ATG14: variants seen among roughly 807,000 people sequenced by gnomAD.
The protein encoded by ATG14 is beclin 1-associated autophagy-related key regulator.
ATG14 carries 35 observed loss-of-function variants against 60.4 expected under a neutral mutation model. The observed-to-expected ratio is 0.58, with a 90% CI of 0.44 to 0.77. The LOEUF is 0.77. ATG14 is among the 30% of genes least tolerant of loss of function. ATG14 has a pLI of 0.00. For synonymous variants in ATG14, 234 were observed against 228.8 expected (o/e 1.02, Z -0.21); for missense variants, 647 against 626.3 (o/e 1.03, Z -0.35).
intron 9 of ATG14, among the ~76,000 whole-genome samples, chr14:55,373,214 C>T (rs941114465): frequency 6.6e-6 from 1 of 152,154 alleles, no homozygotes; most frequent in African/African-American, 2.4e-5. Context: ...TAATGGATAT[C>T]TTTTTATTCA....
At chr14:55,398,833 C>T (rs1258948735) in intron 1 of ATG14, among the ~76,000 whole-genome samples, 1 of 151,240 alleles carries the variant, frequency 6.6e-6, no homozygotes, top group Non-Finnish European at 1.5e-5. Context: ...ATGTGGCTTG[C>T]TGCTTAATAA....
At chr14:55,397,682 G>A (rs568727208) in intron 1 of ATG14, among the ~76,000 whole-genome samples, 11 of 152,146 alleles carry the variant, frequency 7.2e-5, no homozygotes, top group South Asian at 4.2e-4. Context: ...GATATCTTCC[G>A]CCCAGATTAA....
chr14:55,369,650 G>A lies in ATG14; in HGVS notation c.1448C>T (p.Ser483Phe). The A allele has an allele frequency of 2.6e-6, 4 of 1,543,404 alleles. No individual in the cohort carries two copies. Among genetic ancestry groups the A allele is most frequent in the Non-Finnish European group, 3.5e-6 (4 of 1,142,956 alleles). Residue 483 changes from serine to phenylalanine, a missense_variant, in exon 10 of 10, where the codon TCC becomes TTC. Transcript: ENST00000247178. ...GTGTCCAGTGTAAGCTTTAAACCAG[G>A]AGGTCACCGAGGCTGCTGCAGAGGA... ...MISSAAASVT[S>F]WFKAYTGHR
chr14:55,382,205 G>A lies in ATG14; in HGVS notation c.648-14C>T, dbSNP rs777361683. ...TCTGCGGGGTCTCTACAAGTAGGAA[G>A]ACACACACGGATTTTCAAGAGAGAG... is the stretch of plus-strand genomic sequence containing the variant. On this transcript the variant is annotated splice_polypyrimidine_tract_variant and intron_variant, in intron 5 of 9. Coordinates refer to ENST00000247178, the MANE Select transcript of ATG14 (RefSeq NM_014924.5). The A allele has an allele frequency of 3.1e-6, 5 of 1,611,918 alleles. No homozygotes were observed. Among genetic ancestry groups the A allele is most frequent in the Non-Finnish European group, 3.4e-6 (4 of 1,178,012 alleles).
chr14:55,381,512 GATGA>G (rs750458523), intron 6 of ATG14, among the ~76,000 whole-genome samples: 7 of 152,136 alleles, frequency 4.6e-5, no homozygotes, highest in South Asian at 2.1e-4. Flanking sequence ...TCCATCAAGT[GATGA>G]ATGAATAAAT....
rs558455480 is a variant in ATG14 at position 55,403,329 on chromosome 14, C to T, written c.222-5895G>A. Among the ~76,000 whole-genome samples the T allele has an allele frequency of 2.6e-5, 4 of 152,190 alleles. No homozygotes were observed. In the South Asian group the frequency reaches 8.3e-4, roughly 32 times the overall value. On this transcript the variant is annotated intron_variant, in intron 1 of 9. Transcript: ENST00000247178. ...CATGCATTAAACTCAACTATAGAAT[C>T]AGACCACAAAAAGAGACTGAGGGAT... is the stretch of plus-strand genomic sequence containing the variant.
chr14:55,395,516 C>T (rs1240055349), intron 3 of ATG14, among the ~76,000 whole-genome samples: 1 of 152,202 alleles, frequency 6.6e-6, no homozygotes, highest in Non-Finnish European at 1.5e-5. Flanking sequence ...TTGCACCTGG[C>T]CGGAAGTTTT....
At chr14:55,391,122 C>G (rs933613671) in intron 3 of ATG14, 130 bp from the exon 4 acceptor site, 1 of 611,594 alleles carries the variant, frequency 1.6e-6, no homozygotes, top group African/African-American at 1.9e-5. Context: ...TATGTTATAG[C>G]TTTTGTAACT....
In ATG14 at chr14:55,369,891, C is replaced by G. The variant is rs368400738; in HGVS notation, c.1207G>C (p.Glu403Gln). The change falls in exon 10 of 10, where the codon GAG becomes CAG. Residue 403 changes from glutamate (E) to glutamine (Q), a missense_variant. Glu to Gln is a conservative substitution (Grantham distance 29). Coordinates refer to ENST00000247178, the MANE Select transcript of ATG14 (RefSeq NM_014924.5). ...GPFEVRADLE[E>Q]SMEFVDPGVA... ...CCGGGATCCACAAATTCCATGGACT[C>G]CTCAAGGTCTGCTCGTACTTCAAAG... 1.9e-6 allele frequency: 3 copies of G among 1,613,558 alleles called. No individual in the cohort carries two copies. The highest frequency in any genetic ancestry group is 1.7e-6 in the Non-Finnish European group (2 of 1,179,610).
chr14:55,391,724 A>C (rs1228626377), intron 3 of ATG14, among the ~76,000 whole-genome samples: 4 of 152,176 alleles, frequency 2.6e-5, no homozygotes, highest in African/African-American at 9.7e-5. Flanking sequence ...TGGACTGGAC[A>C]GCGCAGATAC....
In ATG14 at chr14:55,411,529, G is replaced by C. The variant is rs1054577081; in HGVS notation, c.221+73C>G. 3.4e-6 allele frequency: 5 copies of C among 1,449,852 alleles called. No individual in the cohort carries two copies. In the African/African-American group the frequency reaches 7.1e-5, roughly 20 times the overall value. 89.8% of individuals were successfully genotyped at this position (1,449,852 alleles called of 1,614,324 possible). A position where few individuals can be genotyped will look rare whatever the true frequency, so the allele number is the denominator to read the frequency against. On this transcript the variant is annotated intron_variant, in intron 1 of 9. Transcript: ENST00000247178. ...TCTGGTGCCCGGACGGGGAGCCCCA[G>C]GTTCCAGCCTTCGGCTGCCTGGCTG...
At chr14:55,400,058 T>C (rs1175677506) in intron 1 of ATG14, among the ~76,000 whole-genome samples, 3 of 152,220 alleles carry the variant, frequency 2.0e-5, no homozygotes, top group African/African-American at 7.2e-5. Context: ...ATGAGTCACG[T>C]CCTCCTTCAT....
intron 1 of ATG14, among the ~76,000 whole-genome samples, chr14:55,398,191 T>C (rs1384832155): frequency 6.6e-6 from 1 of 152,176 alleles, no homozygotes; most frequent in Admixed American, 6.5e-5. Context: ...GACCTGGTGG[T>C]CTGCCCGCCT....
In ATG14 at chr14:55,377,922, A is replaced by G; in HGVS notation, c.1087-18T>C. 1 of 1,593,886 alleles carries G rather than the reference A, an allele frequency of 6.3e-7. No homozygotes were observed. Among genetic ancestry groups the G allele is most frequent in the Non-Finnish European group, 8.5e-7 (1 of 1,171,062 alleles). ...TTTACATGCTAAAAAAAATTAAAGAATTGGTTAATATTTTCAACTATTTAA... is the reference window on the plus strand; with the variant it reads ...TTTACATGCTAAAAAAAATTAAAGAGTTGGTTAATATTTTCAACTATTTAA... On this transcript the variant is annotated intron_variant, in intron 8 of 9. Coordinates refer to ENST00000247178, the MANE Select transcript of ATG14 (RefSeq NM_014924.5).
chr14:55,395,797 T>C (rs1885304984), intron 3 of ATG14, 143 bp downstream of exon 3: 1 of 470,382 alleles, frequency 2.1e-6, no homozygotes, highest in Non-Finnish European at 3.6e-6. Flanking sequence ...AGATGAAATA[T>C]TTGAGAAAGC....
intron 1 of ATG14, among the ~76,000 whole-genome samples, chr14:55,407,301 T>C (rs994415168): frequency 2.0e-4 from 30 of 152,192 alleles, no homozygotes; most frequent in Non-Finnish European, 3.7e-4. Context: ...CAGCTAATTT[T>C]TGTATTTTGA....
chr14:55,377,742 C>T (rs1184750519), intron 9 of ATG14, 77 bp downstream of exon 9: 10 of 1,087,636 alleles, frequency 9.2e-6, no homozygotes, highest in Admixed American at 7.5e-5. Flanking sequence ...GGGAACACGA[C>T]TCTACTATGC....
Position 55,411,694 on chromosome 14 carries a change from G to T in ATG14, c.129C>A (p.Cys43Ter). The change falls in exon 1 of 10, where the codon TGC (cysteine) becomes TGA (stop). Residue 43 changes from cysteine (C) to a stop codon, truncating the protein, a stop_gained. Transcript: ENST00000247178. LOFTEE classifies it high-confidence loss of function. ...GCCGGCGGGTAGTGTTGCACAGCGG[G>T]CAGCGCTCCACAGCCACGTACAGCC... ...AEGLYVAVER[C>*]PLCNTTRRRL... The T allele has an allele frequency of 6.2e-7, 1 of 1,613,148 alleles. No individual in the cohort carries two copies. The highest frequency in any genetic ancestry group is 8.5e-7 in the Non-Finnish European group (1 of 1,179,808).
chr14:55,372,245 A>G (rs933108791), intron 9 of ATG14, among the ~76,000 whole-genome samples: 7 of 151,726 alleles, frequency 4.6e-5, no homozygotes, highest in Non-Finnish European at 5.9e-5. Context: ...CCCCCTTTCC[A>G]TTCTCAATTT....
Sources: allele counts gnomAD v4.1 joint callset (sites outside exome capture counted in the v4.1 genomes callset), GRCh38; gene constraint gnomAD v4.1.1; transcripts MANE v1.5; gene names NCBI Gene and HGNC (gene_info 2026-07-23, HGNC 2026-07-21).